Variants in UBR2 observed in about 807,000 individuals in gnomAD.
The protein encoded by UBR2 is ubiquitin protein ligase E3 component n-recognin 2.
A neutral mutation model predicts 247.9 loss-of-function variants in UBR2; 92 were observed. That is an observed-to-expected ratio of 0.37 (90% confidence interval 0.31 to 0.44). The LOEUF (loss-of-function observed/expected upper bound fraction) is 0.44. Ranked by LOEUF, UBR2 falls within the 20% of genes least tolerant of loss-of-function variation. The probability of loss-of-function intolerance (pLI) is 1.00; values close to 1 mark genes in which losing one functional copy is unlikely to be tolerated. For synonymous variants in UBR2, 672 were observed against 693.5 expected (o/e 0.97, Z 0.49); for missense variants, 1,613 against 2,112.6 (o/e 0.76, Z 4.64).
Position 42,644,349 on chromosome 6 carries a change from T to C in UBR2, c.2220+13T>C, listed in dbSNP as rs780230943. The C allele has an allele frequency of 8.7e-6, 14 of 1,610,100 alleles. No homozygotes were observed. Among genetic ancestry groups the C allele is most frequent in the Middle Eastern group, 1.7e-4 (1 of 6,044 alleles). On this transcript the variant is annotated intron_variant, in intron 19 of 46. Transcript: ENST00000372901. ...GATTACCCATAAGGTAAGAACGTGT[T>C]TTATGAAACCACAACACATTGCTAA...
intron 20 of UBR2, 112 bp from the exon 21 acceptor site, chr6:42,645,354 T>C (rs191868230): frequency 9.8e-7 from 1 of 1,015,652 alleles, no homozygotes; most frequent in African/African-American, 1.6e-5. Flanking sequence ...ACTTTCCCAT[T>C]GCTCAGACAG....
At chr6:42,650,422 T>G in intron 23 of UBR2, 36 bp downstream of exon 23, 2 of 1,537,358 alleles carry the variant, frequency 1.3e-6, no homozygotes, top group South Asian at 1.1e-5. Flanking sequence ...CAGGGAAGGA[T>G]TGCATTGTTT....
intron 8 of UBR2, 44 bp downstream of exon 8, chr6:42,612,335 C>T: frequency 7.0e-7 from 1 of 1,430,066 alleles, no homozygotes; most frequent in South Asian, 1.7e-5. Flanking sequence ...TAAAAATGAG[C>T]TCAATATGCT....
rs112798050 is a variant in UBR2, at chr6:42,622,405, G to GTTTTTTTTTTTTT, written c.1281+4900_1281+4912dup. Reference sequence around the variant, plus strand: ...ACATTGTTTTTGGGTTTTTTGGTGGGTTTTTTTTTTTTTTGAGACAGAACC... The same window carrying GTTTTTTTTTTTTT: ...ACATTGTTTTTGGGTTTTTTGGTGGGTTTTTTTTTTTTTTTTTTTTTTTTTTTGAGACAGAACC... On this transcript the variant is annotated intron_variant, in intron 11 of 46. Transcript: ENST00000372901. Among the ~76,000 whole-genome samples the GTTTTTTTTTTTTT allele has an allele frequency of 3.9e-4, 54 of 138,764 alleles. 1 individual carries two copies. The highest frequency in any genetic ancestry group is 1.4e-3 in the African/African-American group (53 of 36,906). The allele number at this position is 138,764 out of a possible 152,430, so 91.0% of individuals were successfully genotyped here.
At chr6:42,669,483 A>C (rs1049686127) in intron 34 of UBR2, among the ~76,000 whole-genome samples, 7 of 151,920 alleles carry the variant, frequency 4.6e-5, no homozygotes, top group Non-Finnish European at 1.0e-4. Flanking sequence ...CTGATAACCT[A>C]ATTTTCTTAT....
chr6:42,672,828 T>C (rs181946732), intron 36 of UBR2, among the ~76,000 whole-genome samples: 4 of 152,238 alleles, frequency 2.6e-5, no homozygotes, highest in African/African-American at 2.4e-5. Flanking sequence ...CCCAGGACTT[T>C]AAGCTCTTTG....
intron 7 of UBR2, among the ~76,000 whole-genome samples, chr6:42,608,394 G>A (rs563936501): frequency 5.1e-4 from 77 of 152,270 alleles, no homozygotes; most frequent in Non-Finnish European, 7.6e-4. Flanking sequence ...GGAAAGCAGA[G>A]GCAAGAGGAT....
At chr6:42,647,854 G>A (rs896388355) in intron 21 of UBR2, among the ~76,000 whole-genome samples, 1 of 151,796 alleles carries the variant, frequency 6.6e-6, no homozygotes, top group African/African-American at 2.4e-5. Flanking sequence ...ATTCTATATG[G>A]CAGTGACTTT....
intron 18 of UBR2, among the ~76,000 whole-genome samples, chr6:42,643,667 A>G (rs1796577937): frequency 6.6e-6 from 1 of 152,180 alleles, no homozygotes; most frequent in Non-Finnish European, 1.5e-5. Context: ...AATAAAATCT[A>G]GGTTTATTTA....
intron 11 of UBR2, among the ~76,000 whole-genome samples, chr6:42,624,693 C>G (rs182374796): frequency 2.0e-4 from 30 of 152,082 alleles, no homozygotes; most frequent in African/African-American, 7.2e-4. Context: ...AGGAGAGCAT[C>G]ATTAGGGTGT....
chr6:42,619,786 C>A, intron 11 of UBR2: 1 of 220,814 alleles, frequency 4.5e-6, no homozygotes, highest in Non-Finnish European at 7.6e-6. Flanking sequence ...GGCACGATCA[C>A]AGCTCACTGC....
chr6:42,608,783 A>G (rs192900864), intron 7 of UBR2, among the ~76,000 whole-genome samples: 3 of 152,212 alleles, frequency 2.0e-5, no homozygotes. Context: ...CAAATTTCCT[A>G]TGCATATTCT....
intron 34 of UBR2, among the ~76,000 whole-genome samples, chr6:42,668,502 C>G (rs1462962711): frequency 6.6e-6 from 1 of 152,150 alleles, no homozygotes; most frequent in Non-Finnish European, 1.5e-5. Context: ...TGCAGTGGCA[C>G]AATCTCAGTT....
At chr6:42,638,560 C>G (rs1225791669) in intron 15 of UBR2, among the ~76,000 whole-genome samples, 1 of 152,112 alleles carries the variant, frequency 6.6e-6, no homozygotes, top group Non-Finnish European at 1.5e-5. Flanking sequence ...GAAGAAATCT[C>G]TCTTATTTCT....
rs1392706083 is a variant in UBR2 at position 42,659,710 on chromosome 6, T to C, written c.3297T>C (p.Val1099=). The C allele has an allele frequency of 5.0e-6, 8 of 1,614,076 alleles. No individual in the cohort carries two copies. Among genetic ancestry groups the C allele is most frequent in the Non-Finnish European group, 6.8e-6 (8 of 1,179,982 alleles). The change falls in exon 30 of 47, where the codon GTT becomes GTC. Residue 1099 remains valine, a synonymous_variant. Transcript: ENST00000372901. The surrounding 1 kb of genome is among the most constrained non-coding windows in gnomAD (Gnocchi z 4.3). ...CACTGGGCCCCGCACAAACTCAGGTTCCTGAACAAAGACAATTCGTTACAT... is the reference window on the plus strand; with the variant it reads ...CACTGGGCCCCGCACAAACTCAGGTCCCTGAACAAAGACAATTCGTTACAT... ...LTALGPAQTQ[V]PEQRQFVTCI... is the part of the protein sequence containing the mutation.
At chr6:42,624,338 G>A (rs965537531) in intron 11 of UBR2, among the ~76,000 whole-genome samples, 6 of 82,972 alleles carry the variant, frequency 7.2e-5, no homozygotes, top group African/African-American at 1.8e-4. Context: ...TTGAGTTGGT[G>A]GGGGGGGTGT....
At chr6:42,597,640 G>A (rs145953238) in intron 4 of UBR2, among the ~76,000 whole-genome samples, 97 of 151,744 alleles carry the variant, frequency 6.4e-4, no homozygotes, top group African/African-American at 2.2e-3. Flanking sequence ...TCAGCCAGGC[G>A]TGGTGGCTGA....
In UBR2 at chr6:42,655,711, C is replaced by G. The variant is rs1797403379; in HGVS notation, c.2860C>G (p.Gln954Glu). The change falls in exon 26 of 47, where the codon CAG becomes GAG. Residue 954 changes from glutamine to glutamate, a missense_variant. This residue lies in a region of UBR2 where 1,524 missense variants were observed against 1,967.3 expected (regional missense o/e 0.77). Coordinates refer to ENST00000372901, the MANE Select transcript of UBR2 (RefSeq NM_001363705.2). ...GCATGTAGTAACATTTACCTTCACTCAGAAGATATCAAGTATGTATATATC... is the reference window on the plus strand; with the variant it reads ...GCATGTAGTAACATTTACCTTCACTGAGAAGATATCAAGTATGTATATATC... ...EEHVVTFTFT[Q>E]KISKPGEAPK... 1 of 1,534,304 alleles carries G rather than the reference C, an allele frequency of 6.5e-7. No individual in the cohort carries two copies. Among genetic ancestry groups the G allele is most frequent in the Non-Finnish European group, 8.7e-7 (1 of 1,149,500 alleles).
intron 4 of UBR2, 100 bp from the exon 5 acceptor site, chr6:42,603,488 A>G (rs1333572852): frequency 8.3e-7 from 1 of 1,204,358 alleles, no homozygotes; most frequent in African/African-American, 1.6e-5. Flanking sequence ...AGACCAGTCA[A>G]CTTTTTACTA....
Sources: gnomAD v4.1 joint callset for allele counts (sites outside exome capture counted in the v4.1 genomes callset) on GRCh38, gnomAD v4.1.1 for gene constraint, gnomAD v4.1.1 regional missense constraint, Gnocchi (gnomAD v3.1) non-coding constraint, MANE v1.5 for transcripts, NCBI Gene and HGNC (gene_info 2026-07-23, HGNC 2026-07-21) for gene names.